EFCAB11: variants seen among roughly 807,000 people sequenced by gnomAD.
The protein encoded by EFCAB11 is EF-hand calcium binding domain 11.
Under a neutral mutation model 23.0 loss-of-function variants are expected in EFCAB11, and 14 were observed. That is an observed-to-expected ratio of 0.61 (90% CI 0.40 to 0.95). The LOEUF (loss-of-function observed/expected upper bound fraction) is 0.95. Among genes scored for constraint, EFCAB11 ranks in the 40% least tolerant of loss-of-function variants. EFCAB11 has a pLI of 0.00. For missense variants in EFCAB11, 198 were observed against 195.8 expected (o/e 1.01, Z -0.07); for synonymous variants, 65 against 66.6 (o/e 0.98, Z 0.11).
In EFCAB11 at chr14:89,834,388, A is replaced by C. The variant is rs890248795; in HGVS notation, c.411-37064T>G. On this transcript the variant is annotated intron_variant, in intron 5 of 5. Transcript: ENST00000316738. ...GAGACTCCGTCTCAAAAAAAAAAAA[A>C]AAAAAAAAAAAAAAACCTTTTTGTT... is the stretch of plus-strand genomic sequence containing the variant. Among the ~76,000 whole-genome samples the C allele has an allele frequency of 4.0e-5, 6 of 148,984 alleles. No homozygotes were observed. The South Asian group carries it at 1.1e-3, about 26-fold the overall frequency.
At chr14:89,944,248 G>A (rs1890890170) in intron 3 of EFCAB11, among the ~76,000 whole-genome samples, 1 of 152,212 alleles carries the variant, frequency 6.6e-6, no homozygotes, top group South Asian at 2.1e-4. Context: ...CAGCAGACAA[G>A]AGAGAGCTTG....
At chr14:89,950,294 T>G in intron 2 of EFCAB11, 152 bp from the exon 3 acceptor site, 2 of 779,964 alleles carry the variant, frequency 2.6e-6, no homozygotes, top group African/African-American at 1.8e-5. Context: ...ATAGCTATAA[T>G]AGTCATTTTA....
intron 5 of EFCAB11, among the ~76,000 whole-genome samples, chr14:89,823,861 G>A (rs1423407865): frequency 6.6e-6 from 1 of 152,064 alleles, no homozygotes. Context: ...TGAATGTAAA[G>A]ACACAGAAAT....
intron 5 of EFCAB11, among the ~76,000 whole-genome samples, chr14:89,820,413 C>T (rs1240306800): frequency 1.3e-5 from 2 of 152,020 alleles, no homozygotes; most frequent in South Asian, 2.1e-4. Flanking sequence ...CACTCTTCTC[C>T]ATTCCACCGC....
rs1886044062 is a variant in EFCAB11, at chr14:89,808,412, A to AG, written c.411-11089dup. Among the ~76,000 whole-genome samples, 19 of 152,284 alleles carry AG rather than the reference A, an allele frequency of 1.2e-4. No individual in the cohort carries two copies. The South Asian group carries it at 3.9e-3, about 32-fold the overall frequency. The stretch of plus-strand genomic sequence containing the variant: ...AATTACTTTAAAATTCTGTGAAGAT[A>AG]GATTTTTTTTTCCATTAAATGAGAG... On this transcript the variant is annotated intron_variant, in intron 5 of 5. Transcript: ENST00000316738.
At chr14:89,935,645 T>C (rs1464031235) in intron 3 of EFCAB11, among the ~76,000 whole-genome samples, 2 of 152,170 alleles carry the variant, frequency 1.3e-5, no homozygotes, top group Non-Finnish European at 2.9e-5. Flanking sequence ...GAGGCCAAGG[T>C]GGGCAGAGAG....
chr14:89,873,164 G>A (rs1356818876), intron 5 of EFCAB11, among the ~76,000 whole-genome samples: 1 of 152,176 alleles, frequency 6.6e-6, no homozygotes, highest in Admixed American at 6.5e-5. Flanking sequence ...AATCATGGTG[G>A]AAGGTGAAGG....
intron 2 of EFCAB11, chr14:89,952,692 C>T (rs755625828): frequency 1.7e-5 from 14 of 841,552 alleles, no homozygotes; most frequent in African/African-American, 1.3e-4. Context: ...ACAAATAGGG[C>T]GGAGAGGCAT....
intron 5 of EFCAB11, among the ~76,000 whole-genome samples, chr14:89,902,104 C>T (rs905914630): frequency 1.3e-5 from 2 of 152,184 alleles, no homozygotes; most frequent in Non-Finnish European, 1.5e-5. Flanking sequence ...ACCTTGCTGC[C>T]TCTTGTTCGC....
intron 5 of EFCAB11, among the ~76,000 whole-genome samples, chr14:89,919,598 A>C (rs1430693192): frequency 2.0e-5 from 3 of 152,126 alleles, no homozygotes; most frequent in Non-Finnish European, 2.9e-5. Context: ...AAAATTCTAA[A>C]AACTCCATGA....
intron 5 of EFCAB11, among the ~76,000 whole-genome samples, chr14:89,854,245 T>A (rs371080192): frequency 3.2e-4 from 44 of 138,088 alleles, no homozygotes; most frequent in African/African-American, 1.1e-3. Flanking sequence ...ACATTTTTTT[T>A]AAAGAGGCAT....
At chr14:89,816,634 A>T (rs1350713934) in intron 5 of EFCAB11, among the ~76,000 whole-genome samples, 1 of 152,186 alleles carries the variant, frequency 6.6e-6, no homozygotes, top group Admixed American at 6.5e-5. Flanking sequence ...TATTAGTGGC[A>T]TGTTTCCTAA....
chr14:89,825,040 C>T (rs1886642927), intron 5 of EFCAB11, among the ~76,000 whole-genome samples: 1 of 150,278 alleles, frequency 6.7e-6, no homozygotes, highest in Non-Finnish European at 1.5e-5. Context: ...ACTCCTGACA[C>T]CTACAGGATA....
chr14:89,843,653 T>C lies in EFCAB11; in HGVS notation c.411-46329A>G, dbSNP rs548575463. On this transcript the variant is annotated intron_variant, in intron 5 of 5. Transcript: ENST00000316738. ...AATTTGAAAACATATCAATTAACTT[T>C]TCATACTTTATTACGTTAACATATA... is the stretch of plus-strand genomic sequence containing the variant. Among the ~76,000 whole-genome samples the C allele has an allele frequency of 3.9e-5, 6 of 152,348 alleles. No homozygotes were observed. The South Asian group carries it at 1.2e-3, about 32-fold the overall frequency.
intron 5 of EFCAB11, among the ~76,000 whole-genome samples, chr14:89,818,178 G>A (rs1183312135): frequency 6.6e-6 from 1 of 151,990 alleles, no homozygotes; most frequent in African/African-American, 2.4e-5. Flanking sequence ...AATGACAAAT[G>A]GTTAAAAGTT....
At chr14:89,875,353 A>T (rs575144282) in intron 5 of EFCAB11, among the ~76,000 whole-genome samples, 1 of 152,310 alleles carries the variant, frequency 6.6e-6, no homozygotes, top group East Asian at 1.9e-4. Context: ...CCCATGACAC[A>T]TGTGAATTAT....
intron 5 of EFCAB11, among the ~76,000 whole-genome samples, chr14:89,844,501 A>G (rs866728525): frequency 7.2e-5 from 11 of 152,238 alleles, no homozygotes; most frequent in Admixed American, 5.9e-4. Flanking sequence ...CCTGGATCAC[A>G]TACAGAGAAC....
At chr14:89,926,073 C>T (rs927265873) in intron 5 of EFCAB11, among the ~76,000 whole-genome samples, 4 of 152,050 alleles carry the variant, frequency 2.6e-5, no homozygotes, top group Non-Finnish European at 4.4e-5. Flanking sequence ...GTCTCGGCCT[C>T]CCAAAGTGTT....
intron 5 of EFCAB11, among the ~76,000 whole-genome samples, chr14:89,899,817 A>G (rs1369140003): frequency 6.6e-6 from 1 of 152,194 alleles, no homozygotes; most frequent in Non-Finnish European, 1.5e-5. Context: ...GAGTTCAGTA[A>G]CAAGTGCTGG....
Sources: gnomAD v4.1 joint callset for allele counts (sites outside exome capture counted in the v4.1 genomes callset) on GRCh38, gnomAD v4.1.1 for gene constraint, MANE v1.5 for transcripts, NCBI Gene and HGNC (gene_info 2026-07-23, HGNC 2026-07-21) for gene names.